MACROD2: variants seen among roughly 807,000 people sequenced by gnomAD.
The protein encoded by MACROD2 is mono-ADP ribosylhydrolase 2.
In MACROD2, 36 loss-of-function variants were observed where a neutral mutation model predicts 70.4. The ratio of observed to expected loss-of-function variants is 0.51; its 90% CI spans 0.39 to 0.68. MACROD2 has a LOEUF of 0.68. Ranked by LOEUF, MACROD2 falls within the 30% of genes least tolerant of loss-of-function variation. MACROD2 has a pLI of 0.00. For synonymous variants in MACROD2, 172 were observed against 178.8 expected, an observed-to-expected ratio of 0.96 and a Z score of 0.30; for missense variants, 496 against 538.4, an observed-to-expected ratio of 0.92 and a Z score of 0.78.
At chr20:15,914,543 A>ATT in intron 10 of MACROD2, among the ~76,000 whole-genome samples, 1 of 152,226 alleles carries the variant, frequency 6.6e-6, no homozygotes, top group African/African-American at 2.4e-5. Context: ...GGATTACATG[A>ATT]GATAACACGT....
At position 13,995,849 on chromosome 20, in the gene MACROD2, G is replaced by GGGGGGGGGGGGGGGGGGGGT; in HGVS notation, c.46+41_46+42insGGGGGGGGGGGGGGGGGGTG. ...GAGTCCTGGGGGTGCGGGCGGTGGG[G>GGGGGGGGGGGGGGGGGGGGT]GTTAGGGTGGGGGCGGGGGTCAGGC... On this transcript the variant is annotated intron_variant, in intron 1 of 17. Coordinates refer to ENST00000684519, the MANE Select transcript of MACROD2 (RefSeq NM_001351661.2). This position sits in a 1 kb window ranked among gnomAD's most constrained non-coding sequence, Gnocchi z 4.3. 1 of 1,312,110 alleles carries GGGGGGGGGGGGGGGGGGGGT rather than the reference G, an allele frequency of 7.6e-7. No homozygotes were observed. The highest frequency in any genetic ancestry group is 1.1e-6 in the Non-Finnish European group (1 of 938,804). 81.3% of individuals were successfully genotyped at this position (1,312,110 alleles called of 1,614,324 possible).
At chr20:15,141,067 A>G (rs2076188298) in intron 5 of MACROD2, among the ~76,000 whole-genome samples, 1 of 152,148 alleles carries the variant, frequency 6.6e-6, no homozygotes. Context: ...ATAGTTATAT[A>G]TCTGCATATA....
intron 4 of MACROD2, among the ~76,000 whole-genome samples, chr20:14,534,195 C>T (rs17227083): frequency 0.19 from 28,402 of 152,162 alleles, 3,495 homozygotes; most frequent in Non-Finnish European, 0.27. Flanking sequence ...CCGTCAGATT[C>T]GAGCGTTGCT....
intron 5 of MACROD2, among the ~76,000 whole-genome samples, chr20:14,695,655 G>A (rs2071116301): frequency 1.3e-5 from 2 of 152,150 alleles, no homozygotes; most frequent in South Asian, 2.1e-4. Context: ...AAGAACTAAG[G>A]CCTGCCTGCA....
At chr20:14,709,476 C>T (rs542291520) in intron 5 of MACROD2, among the ~76,000 whole-genome samples, 1 of 152,290 alleles carries the variant, frequency 6.6e-6, no homozygotes, top group East Asian at 1.9e-4. Context: ...CCTCAAACCA[C>T]TGTATCCAGT....
In MACROD2 at chr20:15,650,582, TATAA is replaced by T. The variant is rs559286814; in HGVS notation, c.645+150739_645+150742del. On this transcript the variant is annotated intron_variant, in intron 8 of 17. Coordinates refer to ENST00000684519, the MANE Select transcript of MACROD2 (RefSeq NM_001351661.2). ...CCATCTGTGTTCAGGTCATAGAACT[TATAA>T]ATATACATTTAATTTTTTTTCTGTT... Among the ~76,000 whole-genome samples the T allele has an allele frequency of 1.8e-3, 277 of 152,340 alleles. 4 individuals carry two copies. The highest frequency in any genetic ancestry group is 6.0e-3 in the African/African-American group (249 of 41,578).
intron 2 of MACROD2, among the ~76,000 whole-genome samples, chr20:14,022,379 G>T (rs1007280790): frequency 6.6e-6 from 1 of 150,562 alleles, no homozygotes. Flanking sequence ...TACGTTGAAA[G>T]TATAAGTGAA....
At chr20:15,498,658 G>T (rs1194916436) in intron 7 of MACROD2, among the ~76,000 whole-genome samples, 3 of 152,138 alleles carry the variant, frequency 2.0e-5, no homozygotes, top group African/African-American at 7.2e-5. Context: ...GTTACCAGGG[G>T]CTTTGGGTGA....
chr20:16,009,210 G>C (rs1474889464), intron 15 of MACROD2, among the ~76,000 whole-genome samples: 1 of 152,190 alleles, frequency 6.6e-6, no homozygotes, highest in Non-Finnish European at 1.5e-5. Context: ...TGCACCCACT[G>C]CCTTTATTCC....
intron 3 of MACROD2, among the ~76,000 whole-genome samples, chr20:14,321,077 G>T (rs1406980128): frequency 6.6e-6 from 1 of 152,034 alleles, no homozygotes; most frequent in African/African-American, 2.4e-5. Context: ...TTATAAAAAA[G>T]AAGCCAGCTG....
chr20:15,987,073 A>C lies in MACROD2; in HGVS notation c.1068A>C (p.Ser356=), dbSNP rs1261625274. Residue 356 remains serine, a synonymous_variant, in exon 15 of 18, where the codon TCA becomes TCC. Coordinates refer to ENST00000684519, the MANE Select transcript of MACROD2 (RefSeq NM_001351661.2). ...CTGTCTCATTCTATTTAGAACTTTCATCAAACCAAGAAGATGCCGTGATTG... is the reference window on the plus strand; with the variant it reads ...CTGTCTCATTCTATTTAGAACTTTCCTCAAACCAAGAAGATGCCGTGATTG... The part of the protein sequence containing the change: ...QSSYMETEEL[S]SNQEDAVIVE... The C allele has an allele frequency of 6.2e-7, 1 of 1,608,976 alleles. No homozygotes were observed. The highest frequency in any genetic ancestry group is 8.5e-7 in the Non-Finnish European group (1 of 1,178,960).
chr20:15,376,318 G>T (rs1432784898), intron 6 of MACROD2, among the ~76,000 whole-genome samples: 1 of 152,112 alleles, frequency 6.6e-6, no homozygotes, highest in African/African-American at 2.4e-5. Context: ...AAGCAGGTTG[G>T]ATACAGAGAG....
At chr20:15,979,935 G>T (rs1341457830) in intron 13 of MACROD2, among the ~76,000 whole-genome samples, 1 of 152,172 alleles carries the variant, frequency 6.6e-6, no homozygotes, top group East Asian at 1.9e-4. Flanking sequence ...GCTTTATTCA[G>T]CTGGGAGCAT....
chr20:15,842,059 A>G (rs2064176871), intron 8 of MACROD2, among the ~76,000 whole-genome samples: 1 of 152,098 alleles, frequency 6.6e-6, no homozygotes. Flanking sequence ...TCCCAAGAGA[A>G]GAGTCCATGA....
intron 5 of MACROD2, among the ~76,000 whole-genome samples, chr20:14,788,773 T>TG (rs965413067): frequency 1.4e-5 from 2 of 140,392 alleles, no homozygotes; most frequent in Non-Finnish European, 1.6e-5. Flanking sequence ...GTTTTTTTTT[T>TG]TTTTTTTTTT....
chr20:15,366,938 C>A (rs184071949), intron 6 of MACROD2, among the ~76,000 whole-genome samples: 2 of 152,214 alleles, frequency 1.3e-5, no homozygotes, highest in African/African-American at 4.8e-5. Flanking sequence ...TGTCTTGACA[C>A]ACTAATCCAT....
At chr20:14,619,112 T>C (rs772282707) in intron 4 of MACROD2, among the ~76,000 whole-genome samples, 3 of 151,898 alleles carry the variant, frequency 2.0e-5, no homozygotes. Flanking sequence ...TGTAAAGATA[T>C]CATTATTTCA....
At chr20:14,716,078 G>C (rs2071394035) in intron 5 of MACROD2, among the ~76,000 whole-genome samples, 2 of 152,162 alleles carry the variant, frequency 1.3e-5, no homozygotes, top group South Asian at 4.1e-4. Flanking sequence ...CTTTCTGAAA[G>C]ATGGACTCTG....
At chr20:16,045,904 C>T (rs1048418590) in intron 17 of MACROD2, among the ~76,000 whole-genome samples, 1 of 151,914 alleles carries the variant, frequency 6.6e-6, no homozygotes, top group Non-Finnish European at 1.5e-5. Flanking sequence ...CTCTTCCATA[C>T]CCTGAGGGCT....
Sources: gnomAD v4.1 joint callset for allele counts (sites outside exome capture counted in the v4.1 genomes callset) on GRCh38, gnomAD v4.1.1 for gene constraint, Gnocchi (gnomAD v3.1) non-coding constraint, MANE v1.5 for transcripts, NCBI Gene and HGNC (gene_info 2026-07-23, HGNC 2026-07-21) for gene names.